The following PDE1C variants were observed in gnomAD, a reference collection of about 807,000 sequenced individuals.
PDE1C encodes the protein dual specificity calcium/calmodulin-dependent 3',5'-cyclic nucleotide phosphodiesterase 1C.
PDE1C carries 62 observed loss-of-function variants against 93.1 expected under a neutral mutation model. The ratio of observed to expected loss-of-function variants is 0.67; its 90% CI spans 0.54 to 0.82. The LOEUF is 0.82. PDE1C is among the 40% of genes least tolerant of loss of function. PDE1C has a pLI of 0.00. For missense variants in PDE1C, 742 were observed against 884.6 expected (o/e 0.84, Z 2.04); for synonymous variants, 325 against 310.1 (o/e 1.05, Z -0.50).
chr7:31,683,686 C>T, the PDE1C span, among the ~76,000 whole-genome samples: 4 of 152,234 alleles, frequency 2.6e-5, no homozygotes, highest in African/African-American at 4.8e-5. Flanking sequence ...TTTCCCCCTC[C>T]CTGAATTGAG....
chr7:31,923,421 G>C (rs1802897585), intron 2 of PDE1C, among the ~76,000 whole-genome samples: 1 of 152,168 alleles, frequency 6.6e-6, no homozygotes, highest in African/African-American at 2.4e-5. Flanking sequence ...ATTTTTAAAA[G>C]CTCCCCAGGT....
intron 2 of PDE1C, among the ~76,000 whole-genome samples, chr7:32,196,264 C>A (rs1804610362): frequency 6.6e-6 from 1 of 152,090 alleles, no homozygotes. Context: ...GAGGATGGGG[C>A]CACAGCTTTT....
At chr7:31,692,348 G>A in the PDE1C span, 4 of 1,011,518 alleles carry the variant, frequency 4.0e-6, no homozygotes, top group Admixed American at 6.3e-5. Context: ...CTTAGCAAAT[G>A]ATTGAATGAA....
intron 2 of PDE1C, among the ~76,000 whole-genome samples, chr7:31,920,394 G>C (rs1164390571): frequency 2.6e-5 from 4 of 152,098 alleles, no homozygotes; most frequent in Non-Finnish European, 5.9e-5. Context: ...ACCCTCCTCA[G>C]AACCAGCTGC....
intron 2 of PDE1C, among the ~76,000 whole-genome samples, chr7:32,184,207 A>C (rs200669763): frequency 0.073 from 11,141 of 152,236 alleles, 628 homozygotes; most frequent in East Asian, 0.33. Flanking sequence ...GTGGGACTGT[A>C]AACTAGTTCA....
intron 3 of PDE1C, among the ~76,000 whole-genome samples, chr7:32,148,859 A>G (rs1425470168): frequency 1.3e-5 from 2 of 152,216 alleles, no homozygotes; most frequent in Admixed American, 1.3e-4. Flanking sequence ...ATATATGACA[A>G]TAATTGTGGA....
At chr7:32,231,311 A>T (rs1399888151) in intron 1 of PDE1C, among the ~76,000 whole-genome samples, 1 of 152,194 alleles carries the variant, frequency 6.6e-6, no homozygotes, top group Non-Finnish European at 1.5e-5. Flanking sequence ...GAATGCCAAC[A>T]TAAATACACA....
At chr7:31,740,540 A>T in the PDE1C span, among the ~76,000 whole-genome samples, 1 of 152,356 alleles carries the variant, frequency 6.6e-6, no homozygotes, top group East Asian at 1.9e-4. Context: ...AGATCTATTT[A>T]AGCTGTCAGA....
rs181287746 is a variant in PDE1C at position 31,911,510 on chromosome 7, T to C, written c.129-30650A>G. 3.7e-4 allele frequency among the ~76,000 whole-genome samples: 57 copies of C among 152,256 alleles called. No individual in the cohort carries two copies. The East Asian group carries it at 0.011, about 29-fold the overall frequency. The stretch of plus-strand genomic sequence containing the variant: ...CAAAACTGAGCAAACCTCATTCCGT[T>C]AGCTAGTCTCCAAAGAAGGTAGCAC... On this transcript the variant is annotated intron_variant, in intron 2 of 17. Transcript: ENST00000396191.
intron 1 of PDE1C, among the ~76,000 whole-genome samples, chr7:32,220,862 TATC>T (rs1806804824): frequency 6.6e-6 from 1 of 152,024 alleles, no homozygotes; most frequent in Non-Finnish European, 1.5e-5. Context: ...CAATTCCACA[TATC>T]ATGCATGGAT....
intron 1 of PDE1C, among the ~76,000 whole-genome samples, chr7:32,360,645 T>C (rs983880587): frequency 1.3e-5 from 2 of 152,220 alleles, no homozygotes; most frequent in African/African-American, 4.8e-5. Flanking sequence ...GTTTTGATGC[T>C]GTTCTGACCC....
the PDE1C span, among the ~76,000 whole-genome samples, chr7:31,670,783 T>G: frequency 2.0e-5 from 3 of 152,062 alleles, no homozygotes; most frequent in African/African-American, 2.4e-5. Context: ...CCCACTTGAA[T>G]GTTGCCTTTT....
intron 2 of PDE1C, among the ~76,000 whole-genome samples, chr7:31,892,995 T>C (rs895640761): frequency 6.6e-6 from 1 of 152,208 alleles, no homozygotes. Flanking sequence ...ACAATCTATA[T>C]AGGTATTGAA....
chr7:32,005,571 A>AC, intron 2 of PDE1C, among the ~76,000 whole-genome samples: 1 of 149,860 alleles, frequency 6.7e-6, no homozygotes, highest in Non-Finnish European at 1.5e-5. Context: ...AAAAAAAAAA[A>AC]AAAAAAAAAA....
At chr7:32,227,649 G>C (rs1051086857) in intron 1 of PDE1C, among the ~76,000 whole-genome samples, 1 of 152,198 alleles carries the variant, frequency 6.6e-6, no homozygotes, top group Non-Finnish European at 1.5e-5. Flanking sequence ...CCGCCTGCTA[G>C]AATCCAAACC....
At chr7:31,839,433 C>CAT (rs1456340198) in intron 9 of PDE1C, among the ~76,000 whole-genome samples, 1 of 138,144 alleles carries the variant, frequency 7.2e-6, no homozygotes, top group Non-Finnish European at 1.5e-5. Flanking sequence ...CACACACACA[C>CAT]ATATATAATA....
intron 3 of PDE1C, among the ~76,000 whole-genome samples, chr7:32,131,185 A>G (rs1431209211): frequency 6.6e-6 from 1 of 152,138 alleles, no homozygotes; most frequent in Non-Finnish European, 1.5e-5. Flanking sequence ...TTTTTCTTGA[A>G]GCAATTACAC....
chr7:32,403,812 T>A (rs1452255253), intron 1 of PDE1C, among the ~76,000 whole-genome samples: 2 of 152,198 alleles, frequency 1.3e-5, no homozygotes, highest in Non-Finnish European at 2.9e-5. Context: ...CATTCTTATT[T>A]AGTACCTGCA....
At chr7:31,648,616 C>A in the PDE1C span, among the ~76,000 whole-genome samples, 1 of 152,150 alleles carries the variant, frequency 6.6e-6, no homozygotes, top group African/African-American at 2.4e-5. Flanking sequence ...CCCAAAATAA[C>A]TACATGAGCA....
Sources: allele counts gnomAD v4.1 joint callset (sites outside exome capture counted in the v4.1 genomes callset), GRCh38; gene constraint gnomAD v4.1.1; transcripts MANE v1.5; gene names NCBI Gene and HGNC (gene_info 2026-07-23, HGNC 2026-07-21).